The following TTC27 variants were observed in gnomAD, a reference collection of about 807,000 sequenced individuals.
The protein encoded by TTC27 is tetratricopeptide repeat protein 27.
In TTC27, 79 loss-of-function variants were observed where a neutral mutation model predicts 115.9. That is an observed-to-expected ratio of 0.68 (90% CI 0.57 to 0.82). The LOEUF (loss-of-function observed/expected upper bound fraction) is 0.82, where lower values mean the gene tolerates loss of function less well. TTC27 is among the 40% of genes least tolerant of loss of function. TTC27 has a pLI of 0.00. For missense variants in TTC27, 1,054 were observed against 993.1 expected, an observed-to-expected ratio of 1.06 and a Z score of -0.82; for synonymous variants, 401 against 356.0, an observed-to-expected ratio of 1.13 and a Z score of -1.42.
intron 9 of TTC27, among the ~76,000 whole-genome samples, chr2:32,688,205 C>T (rs553232534): frequency 2.0e-5 from 3 of 152,068 alleles, no homozygotes; most frequent in South Asian, 2.1e-4. Flanking sequence ...TGTTTGTAAA[C>T]CAAACAATTA....
chr2:32,693,305 C>T (rs1197376687), intron 9 of TTC27, among the ~76,000 whole-genome samples: 3 of 152,168 alleles, frequency 2.0e-5, no homozygotes, highest in African/African-American at 2.4e-5. Context: ...TAAGACAGTG[C>T]TCATCAAATT....
chr2:32,658,186 A>C (rs972141876), intron 5 of TTC27, among the ~76,000 whole-genome samples: 2 of 152,156 alleles, frequency 1.3e-5, no homozygotes, highest in Non-Finnish European at 2.9e-5. Flanking sequence ...GCAGTGGTGT[A>C]ATAATATCTC....
chr2:32,812,374 A>G, intron 17 of TTC27, 130 bp from the exon 18 acceptor site: 1 of 630,250 alleles, frequency 1.6e-6, no homozygotes, highest in Non-Finnish European at 2.8e-6. Context: ...TGAGAGTAAT[A>G]GACGCTGTGC....
chr2:32,641,580 C>G (rs1664650233), intron 4 of TTC27, among the ~76,000 whole-genome samples: 1 of 152,216 alleles, frequency 6.6e-6, no homozygotes, highest in Non-Finnish European at 1.5e-5. Flanking sequence ...ATTGTTGCAA[C>G]CTGGTGTGCT....
chr2:32,636,326 A>G (rs942983309), intron 3 of TTC27, among the ~76,000 whole-genome samples: 1 of 151,754 alleles, frequency 6.6e-6, no homozygotes, highest in Non-Finnish European at 1.5e-5. Context: ...TGATTCTCCC[A>G]CCTCAGCCTC....
At chr2:32,791,803 A>G (rs1239210044) in intron 16 of TTC27, among the ~76,000 whole-genome samples, 1 of 152,170 alleles carries the variant, frequency 6.6e-6, no homozygotes, top group African/African-American at 2.4e-5. Flanking sequence ...TAAGCCCAGG[A>G]GTTTGAGGTT....
chr2:32,685,629 C>T (rs1376905887), intron 9 of TTC27, among the ~76,000 whole-genome samples: 2 of 152,002 alleles, frequency 1.3e-5, no homozygotes, highest in Non-Finnish European at 2.9e-5. Flanking sequence ...AGGAGAAAAA[C>T]CAAATGATTA....
intron 5 of TTC27, among the ~76,000 whole-genome samples, chr2:32,663,941 G>A (rs1452694801): frequency 1.3e-5 from 2 of 151,348 alleles, no homozygotes; most frequent in Non-Finnish European, 1.5e-5. Context: ...CCTCGGCCTC[G>A]CAAGGTACAG....
chr2:32,642,353 G>T (rs1027967191), intron 4 of TTC27, among the ~76,000 whole-genome samples: 7 of 138,666 alleles, frequency 5.0e-5, no homozygotes, highest in Middle Eastern at 0.01. Context: ...ACAGGTTCAA[G>T]CGATTCTCAT....
intron 10 of TTC27, among the ~76,000 whole-genome samples, chr2:32,705,254 A>C (rs565919782): frequency 6.6e-6 from 1 of 152,214 alleles, no homozygotes; most frequent in African/African-American, 2.4e-5. Flanking sequence ...TTCTGCCATG[A>C]CTATAAGCTT....
At chr2:32,683,859 G>A (rs1309609827) in intron 9 of TTC27, among the ~76,000 whole-genome samples, 1 of 151,868 alleles carries the variant, frequency 6.6e-6, no homozygotes, top group Admixed American at 6.6e-5. Context: ...GTTTTCCTTG[G>A]CAAAAGTTTG....
At chr2:32,790,268 A>T (rs928484866) in intron 16 of TTC27, among the ~76,000 whole-genome samples, 1 of 151,822 alleles carries the variant, frequency 6.6e-6, no homozygotes, top group Non-Finnish European at 1.5e-5. Context: ...TATTGCCATT[A>T]AATTTTTTTT....
intron 10 of TTC27, among the ~76,000 whole-genome samples, chr2:32,731,234 A>T (rs1348595505): frequency 6.6e-6 from 1 of 151,866 alleles, no homozygotes; most frequent in Admixed American, 6.6e-5. Flanking sequence ...GATTACAGGC[A>T]TGCACCACCA....
chr2:32,654,410 T>TC (rs1359724780), intron 5 of TTC27, among the ~76,000 whole-genome samples: 3 of 152,226 alleles, frequency 2.0e-5, no homozygotes, highest in African/African-American at 7.2e-5. Context: ...AGCTTTTTTT[T>TC]CAAGTTTAAT....
At chr2:32,753,355 A>G (rs757207723) in intron 12 of TTC27, among the ~76,000 whole-genome samples, 49 of 151,916 alleles carry the variant, frequency 3.2e-4, no homozygotes, top group Non-Finnish European at 6.8e-4. Flanking sequence ...AGAATATAAA[A>G]TGATATATAA....
In TTC27 at chr2:32,746,563, C is replaced by CAAAAAAAAAAAAAA. The variant is rs770621313; in HGVS notation, c.1452+9753_1452+9766dup. On this transcript the variant is annotated intron_variant, in intron 12 of 19. Coordinates refer to ENST00000317907, the MANE Select transcript of TTC27 (RefSeq NM_017735.5). Reference sequence around the variant, plus strand: ...TGGCAATAAGAGTGAAACTCCATCTCAAAAAAAAAAAAAAAAAAAGAATGC... The same window carrying CAAAAAAAAAAAAAA: ...TGGCAATAAGAGTGAAACTCCATCTCAAAAAAAAAAAAAAAAAAAAAAAAAAAAAAAAAGAATGC... Among the ~76,000 whole-genome samples the CAAAAAAAAAAAAAA allele has an allele frequency of 1.6e-3, 76 of 46,266 alleles. 4 individuals are homozygous for CAAAAAAAAAAAAAA. Among genetic ancestry groups the CAAAAAAAAAAAAAA allele is most frequent in the South Asian group, 8.8e-3 (5 of 570 alleles). The allele number at this position is 46,266 out of a possible 152,430, so 30.4% of individuals were successfully genotyped here.
intron 10 of TTC27, among the ~76,000 whole-genome samples, chr2:32,709,431 G>T (rs1389422492): frequency 1.3e-5 from 2 of 152,168 alleles, no homozygotes; most frequent in Admixed American, 1.3e-4. Flanking sequence ...TTGGATTTTG[G>T]ATTGTTTTCA....
chr2:32,809,659 A>G lies in TTC27; in HGVS notation c.1999-1365A>G, dbSNP rs561870703. Among the ~76,000 whole-genome samples the G allele has an allele frequency of 2.0e-5, 3 of 152,330 alleles. No homozygotes were observed. The South Asian group carries it at 6.2e-4, about 32-fold the overall frequency. On this transcript the variant is annotated intron_variant, in intron 16 of 19. Coordinates refer to ENST00000317907, the MANE Select transcript of TTC27 (RefSeq NM_017735.5). The stretch of plus-strand genomic sequence containing the variant: ...GCTGTCCCACCATCAAAGGAGTGGA[A>G]GATTGCGGTTGTGTTTTCTGTGCCT...
chr2:32,679,561 C>A (rs1051724676), intron 9 of TTC27, among the ~76,000 whole-genome samples: 7 of 152,154 alleles, frequency 4.6e-5, no homozygotes, highest in Admixed American at 1.3e-4. Context: ...TTAATGAATA[C>A]AAGTTGCTTA....
Sources: allele counts gnomAD v4.1 joint callset (sites outside exome capture counted in the v4.1 genomes callset), GRCh38; gene constraint gnomAD v4.1.1; transcripts MANE v1.5; gene names NCBI Gene and HGNC (gene_info 2026-07-23, HGNC 2026-07-21).